The following PIEZO2 variants were observed in gnomAD, a reference collection of about 807,000 sequenced individuals.
PIEZO2 encodes piezo type mechanosensitive ion channel component 2.
PIEZO2 carries 172 observed loss-of-function variants against 337.3 expected under a neutral mutation model. The observed-to-expected ratio is 0.51, with a 90% CI of 0.45 to 0.58. PIEZO2 has a LOEUF of 0.58. Among genes scored for constraint, PIEZO2 ranks in the 20% least tolerant of loss-of-function variants. PIEZO2 has a pLI of 0.00. For missense variants in PIEZO2, 3,028 were observed against 3,391.3 expected, an observed-to-expected ratio of 0.89 and a Z score of 2.66; for synonymous variants, 1,251 against 1,228.5, an observed-to-expected ratio of 1.02 and a Z score of -0.38.
At chr18:11,054,968 T>G in intron 2 of PIEZO2, among the ~76,000 whole-genome samples, 1 of 151,798 alleles carries the variant, frequency 6.6e-6, no homozygotes, top group East Asian at 1.9e-4. Flanking sequence ...TCCCAGCACT[T>G]TGGGAGGCCG....
intron 1 of PIEZO2, among the ~76,000 whole-genome samples, chr18:11,103,544 T>C (rs1440066197): frequency 1.3e-5 from 2 of 152,218 alleles, no homozygotes; most frequent in African/African-American, 2.4e-5. Context: ...GAATACATAC[T>C]GGAAAATGAA....
At chr18:11,018,365 T>TAGG (rs1156828663) in intron 2 of PIEZO2, among the ~76,000 whole-genome samples, 1 of 135,806 alleles carries the variant, frequency 7.4e-6, no homozygotes, top group African/African-American at 2.8e-5. Context: ...TCCTGGGGGT[T>TAGG]AGGACTCCCA....
At chr18:10,725,258 A>G in intron 36 of PIEZO2, 2 of 1,563,252 alleles carry the variant, frequency 1.3e-6, no homozygotes, top group Non-Finnish European at 1.8e-6. Flanking sequence ...ACCGGCAGGC[A>G]GCTGCTCACC....
rs1370981428 is a variant in PIEZO2, at chr18:10,942,028, C to T, written c.287-30800G>A. On this transcript the variant is annotated intron_variant, in intron 3 of 55. Transcript: ENST00000674853. The surrounding 1 kb of genome is among the most constrained non-coding windows in gnomAD (Gnocchi z 4.4). ...CAAGTCTCTCTTCGCCTGCTGCCAT[C>T]CACGTAAGATGTGACTTGCTCCTCC... is the stretch of plus-strand genomic sequence containing the variant. Among the ~76,000 whole-genome samples, 1 of 152,206 alleles carries T rather than the reference C, an allele frequency of 6.6e-6. No individual in the cohort carries two copies. Among genetic ancestry groups the T allele is most frequent in the Non-Finnish European group, 1.5e-5 (1 of 68,038 alleles).
At chr18:10,762,654 A>T in intron 22 of PIEZO2, 29 bp from the exon 23 acceptor site, 3 of 1,533,198 alleles carry the variant, frequency 2.0e-6, no homozygotes, top group Non-Finnish European at 2.6e-6. Flanking sequence ...GGAGTAAAAA[A>T]AAATAGCTCC....
chr18:11,093,825 T>C (rs1319336057), intron 1 of PIEZO2, among the ~76,000 whole-genome samples: 1 of 152,146 alleles, frequency 6.6e-6, no homozygotes, highest in Non-Finnish European at 1.5e-5. Context: ...AGGTAAGTAA[T>C]GTTATCTTTT....
chr18:10,842,136 G>A (rs1243692183), intron 7 of PIEZO2, among the ~76,000 whole-genome samples: 10 of 144,264 alleles, frequency 6.9e-5, no homozygotes, highest in Non-Finnish European at 1.3e-4. Context: ...GCGACAAAGC[G>A]AGACTCCGTC....
chr18:10,886,982 G>A (rs1396420173), intron 4 of PIEZO2, among the ~76,000 whole-genome samples: 2 of 151,246 alleles, frequency 1.3e-5, no homozygotes, highest in Admixed American at 6.6e-5. Flanking sequence ...GTGGCAGAAG[G>A]TAAAAGGGGA....
At chr18:10,912,854 T>A (rs934564950) in intron 3 of PIEZO2, among the ~76,000 whole-genome samples, 1 of 152,186 alleles carries the variant, frequency 6.6e-6, no homozygotes, top group African/African-American at 2.4e-5. Context: ...AATGACTAAA[T>A]TTCGGATGTG....
intron 35 of PIEZO2, among the ~76,000 whole-genome samples, chr18:10,732,395 C>T (rs1186055548): frequency 3.3e-5 from 5 of 152,120 alleles, no homozygotes; most frequent in Non-Finnish European, 7.3e-5. Context: ...GCTCTTTAAA[C>T]CCAGATCTGT....
rs1408701960 is a variant in PIEZO2, at chr18:11,110,432, C to T, written c.64+38093G>A. 6.6e-6 allele frequency among the ~76,000 whole-genome samples: 1 copy of T among 152,250 alleles called. No individual in the cohort carries two copies. Among genetic ancestry groups the T allele is most frequent in the Admixed American group, 6.5e-5 (1 of 15,278 alleles). On this transcript the variant is annotated intron_variant, in intron 1 of 55. Coordinates refer to ENST00000674853, the MANE Select transcript of PIEZO2 (RefSeq NM_001378183.1). The surrounding 1 kb of genome is among the most constrained non-coding windows in gnomAD (Gnocchi z 4.2). ...CGCATTCTGGCTGACAGGGCTTCAGCATGGGCGCTGCGGCCTTAACTCCTC... is the reference window on the plus strand; with the variant it reads ...CGCATTCTGGCTGACAGGGCTTCAGTATGGGCGCTGCGGCCTTAACTCCTC...
rs1323250258 is a variant in PIEZO2 at position 11,102,036 on chromosome 18, T to C, written c.65-35814A>G. Among the ~76,000 whole-genome samples the C allele has an allele frequency of 6.6e-6, 1 of 152,214 alleles. No individual in the cohort carries two copies. Among genetic ancestry groups the C allele is most frequent in the African/African-American group, 2.4e-5 (1 of 41,456 alleles). The stretch of plus-strand genomic sequence containing the variant: ...TCCTGGGGCCCTGATTTGGAGGCTA[T>C]AGACTTAAGCATTCAGAATTATGCC... On this transcript the variant is annotated intron_variant, in intron 1 of 55. Transcript: ENST00000674853. The surrounding 1 kb of genome is among the most constrained non-coding windows in gnomAD (Gnocchi z 5.7).
intron 7 of PIEZO2, among the ~76,000 whole-genome samples, chr18:10,832,380 TG>T (rs1347599869): frequency 1.3e-5 from 2 of 152,172 alleles, no homozygotes; most frequent in African/African-American, 4.8e-5. Flanking sequence ...AGCTATAATG[TG>T]GGTATCTTAT....
chr18:10,879,675 G>A (rs762237530), intron 4 of PIEZO2, among the ~76,000 whole-genome samples: 11 of 152,204 alleles, frequency 7.2e-5, no homozygotes, highest in East Asian at 1.9e-4. Flanking sequence ...GATTACAGGC[G>A]TGAGCCACCG....
chr18:10,807,544 C>T (rs1347225706), intron 7 of PIEZO2, among the ~76,000 whole-genome samples: 1 of 152,150 alleles, frequency 6.6e-6, no homozygotes, highest in Admixed American at 6.5e-5. Flanking sequence ...AAGATCTTTA[C>T]ATCAGTTCAA....
chr18:10,748,402 A>C lies in PIEZO2; in HGVS notation c.4424+69T>G. 7.0e-7 allele frequency: 1 copy of C among 1,436,684 alleles called. No homozygotes were observed. The highest frequency in any genetic ancestry group is 9.4e-7 in the Non-Finnish European group (1 of 1,064,952). 89.0% of individuals were successfully genotyped at this position (1,436,684 alleles called of 1,614,324 possible). On this transcript the variant is annotated intron_variant, in intron 30 of 55. Transcript: ENST00000674853. This position sits in a 1 kb window ranked among gnomAD's most constrained non-coding sequence, Gnocchi z 5.1. ...GGTTCTAGAAGCAAGCTCAGACAGA[A>C]ATGATAGTGCAATATTATTTCAGGC...
rs1190999867 is a variant in PIEZO2, at chr18:10,819,733, T to C, written c.918-12459A>G. Among the ~76,000 whole-genome samples, 2 of 152,154 alleles carry C rather than the reference T, an allele frequency of 1.3e-5. No homozygotes were observed. The highest frequency in any genetic ancestry group is 2.9e-5 in the Non-Finnish European group (2 of 68,018). On this transcript the variant is annotated intron_variant, in intron 7 of 55. Transcript: ENST00000674853. This position sits in a 1 kb window ranked among gnomAD's most constrained non-coding sequence, Gnocchi z 4.3. ...GACATAATATCTTCACAAAACTTCA[T>C]ACAGAGATAGAAAAAAGGTGAATCT...
rs1207177282 is a variant in PIEZO2 at position 10,894,019 on chromosome 18, T to C, written c.329+17167A>G. Among the ~76,000 whole-genome samples the C allele has an allele frequency of 1.3e-5, 2 of 152,098 alleles. No homozygotes were observed. ...GATGGTCAGGTGGTTGTTAACTGTC[T>C]CTTTAAAATAGTAATTGGTCGCAGC... On this transcript the variant is annotated intron_variant, in intron 4 of 55. Transcript: ENST00000674853. This position sits in a 1 kb window ranked among gnomAD's most constrained non-coding sequence, Gnocchi z 4.1.
At chr18:10,891,232 G>A (rs2042746030) in intron 4 of PIEZO2, among the ~76,000 whole-genome samples, 1 of 152,170 alleles carries the variant, frequency 6.6e-6, no homozygotes, top group Admixed American at 6.5e-5. Flanking sequence ...ACTGAGGCAG[G>A]AGAATCACTT....
Sources: gnomAD v4.1 joint callset for allele counts (sites outside exome capture counted in the v4.1 genomes callset) on GRCh38, gnomAD v4.1.1 for gene constraint, Gnocchi (gnomAD v3.1) non-coding constraint, MANE v1.5 for transcripts, NCBI Gene and HGNC (gene_info 2026-07-23, HGNC 2026-07-21) for gene names.